The following MAB21L1 variants were observed in gnomAD, a reference collection of about 807,000 sequenced individuals.
MAB21L1 encodes the protein putative nucleotidyltransferase MAB21L1.
A neutral mutation model predicts 28.9 loss-of-function variants in MAB21L1; 8 were observed. That is an observed-to-expected ratio of 0.28 (90% CI 0.16 to 0.50). The LOEUF (loss-of-function observed/expected upper bound fraction) is 0.50. Among genes scored for constraint, MAB21L1 ranks in the 20% least tolerant of loss-of-function variants. The pLI, the probability that MAB21L1 is intolerant of heterozygous loss-of-function variation, is 0.98. For missense variants in MAB21L1, 388 were observed against 466.5 expected (o/e 0.83, Z 1.55); for synonymous variants, 219 against 198.2 (o/e 1.10, Z -0.88).
rs546608103 is a variant in MAB21L1, at chr13:35,475,782, G to A, written c.357C>T (p.Ala119=). 1.1e-5 allele frequency: 17 copies of A among 1,613,924 alleles called. No homozygotes were observed. In the South Asian group the frequency reaches 1.9e-4, roughly 18 times the overall value. The change falls in exon 1 of 1, where the codon GCC becomes GCT. Residue 119 remains alanine (A), a synonymous_variant. Transcript: ENST00000379919. ...TTTTGCGCGCCGAGAGGTAGCCGGA[G>A]GCGGTAATGAATTCCACCCAGAGGG... ...SMSLWVEFIT[A]SGYLSARKIR...
In MAB21L1 at chr13:35,474,967, T is replaced by C; in HGVS notation, c.*92A>G. On this transcript the variant is annotated 3_prime_UTR_variant, in exon 1 of 1. Transcript: ENST00000379919. Reference sequence around the variant, plus strand: ...TTTTAAAGGAAGAGATTGTTTGCACTGCGGAGTGGAATATTAGGAATTGAA... The same window carrying C: ...TTTTAAAGGAAGAGATTGTTTGCACCGCGGAGTGGAATATTAGGAATTGAA... 1 of 1,342,576 alleles carries C rather than the reference T, an allele frequency of 7.4e-7. No homozygotes were observed. The highest frequency in any genetic ancestry group is 1.0e-6 in the Non-Finnish European group (1 of 972,470). The allele number at this position is 1,342,576 out of a possible 1,614,324, so 83.2% of individuals were successfully genotyped here. A position where few individuals can be genotyped will look rare whatever the true frequency, so the allele number is the denominator to read the frequency against.
rs1436547617 is a variant in MAB21L1, at chr13:35,475,568, G to A, written c.571C>T (p.His191Tyr). The A allele has an allele frequency of 6.2e-7, 1 of 1,613,436 alleles. No homozygotes were observed. Among genetic ancestry groups the A allele is most frequent in the Admixed American group, 1.7e-5 (1 of 59,974 alleles). ...PRSAAHWPLP[H>Y]IPWPGPNRVA... ...CGGTTGGGTCCCGGCCAGGGGATGT[G>A]GGGAAGTGGCCAGTGGGCAGCACTC... Residue 191 changes from histidine (H) to tyrosine (Y), a missense_variant, in exon 1 of 1, where the codon CAC becomes TAC. His to Tyr is a moderately conservative substitution (Grantham distance 83). Coordinates refer to ENST00000379919, the MANE Select transcript of MAB21L1 (RefSeq NM_005584.5).
Position 35,474,912 on chromosome 13 carries a change from A to G in MAB21L1, c.*147T>C. The G allele has an allele frequency of 9.9e-7, 1 of 1,008,094 alleles. No individual in the cohort carries two copies. 62.4% of individuals were successfully genotyped at this position (1,008,094 alleles called of 1,614,324 possible). A position where few individuals can be genotyped will look rare whatever the true frequency, so the allele number is the denominator to read the frequency against. On this transcript the variant is annotated 3_prime_UTR_variant, in exon 1 of 1. Coordinates refer to ENST00000379919, the MANE Select transcript of MAB21L1 (RefSeq NM_005584.5). ...TTCTCCCCTTGTGGGGGTGGGTGAG[A>G]TGATGTTTAAATATTGTATTATTAT...
chr13:35,475,887 C>A lies in MAB21L1; in HGVS notation c.252G>T (p.Gly84=). 1.2e-6 allele frequency: 2 copies of A among 1,614,080 alleles called. No individual in the cohort carries two copies. Among genetic ancestry groups the A allele is most frequent in the Non-Finnish European group, 1.7e-6 (2 of 1,180,024 alleles). The part of the protein sequence containing the change: ...FEVVLYLNQM[G]VFNFVDDGSL... Reference sequence around the variant, plus strand: ...AGCCATCGTCCACGAAGTTGAACACCCCCATTTGGTTGAGATAAAGCACCA... The same window carrying A: ...AGCCATCGTCCACGAAGTTGAACACACCCATTTGGTTGAGATAAAGCACCA... Residue 84 remains glycine (G), a synonymous_variant, in exon 1 of 1, where the codon GGG becomes GGT. Transcript: ENST00000379919.
Position 35,476,236 on chromosome 13 carries a change from G to C in MAB21L1, c.-98C>G, listed in dbSNP as rs1302589817. 1 of 1,573,026 alleles carries C rather than the reference G, an allele frequency of 6.4e-7. No homozygotes were observed. Among genetic ancestry groups the C allele is most frequent in the Non-Finnish European group, 8.7e-7 (1 of 1,144,690 alleles). ...TGGAGCCAACTTCGGTGGAGAAACG[G>C]GCCGCAACACTCAGAAATGGATCAA... On this transcript the variant is annotated 5_prime_UTR_variant, in exon 1 of 1. Transcript: ENST00000379919.
At position 35,475,101 on chromosome 13, in the gene MAB21L1, T is replaced by C; in HGVS notation, c.1038A>G (p.Ala346=). ...ENAAKQTWRL[A]REILTNPKSL... ...TTTTCGGGTTGGTCAGGATCTCTCT[T>C]GCCAGTCGCCACGTTTGTTTGGCAG... is the stretch of plus-strand genomic sequence containing the variant. Residue 346 remains alanine (A), a synonymous_variant, in exon 1 of 1, where the codon GCA becomes GCG. Transcript: ENST00000379919. 4 of 1,614,162 alleles carry C rather than the reference T, an allele frequency of 2.5e-6. No individual in the cohort carries two copies. The highest frequency in any genetic ancestry group is 3.4e-6 in the Non-Finnish European group (4 of 1,180,016).
chr13:35,476,386 G>T lies in MAB21L1; in HGVS notation c.-248C>A, dbSNP rs2075874419. 4 of 1,135,032 alleles carry T rather than the reference G, an allele frequency of 3.5e-6. No homozygotes were observed. The highest frequency in any genetic ancestry group is 5.2e-6 in the Non-Finnish European group (4 of 769,752). The allele number at this position is 1,135,032 out of a possible 1,614,324, so 70.3% of individuals were successfully genotyped here. A position where few individuals can be genotyped will look rare whatever the true frequency, so the allele number is the denominator to read the frequency against. On this transcript the variant is annotated 5_prime_UTR_variant, in exon 1 of 1. Coordinates refer to ENST00000379919, the MANE Select transcript of MAB21L1 (RefSeq NM_005584.5). ...CTTCCTTTTATCTTTGAGCCCAGCC[G>T]TTCTTAAAGTGAAAGACTGTCCTCC...
chr13:35,475,887 C>G lies in MAB21L1; in HGVS notation c.252G>C (p.Gly84=). 1.2e-6 allele frequency: 2 copies of G among 1,614,080 alleles called. No homozygotes were observed. The highest frequency in any genetic ancestry group is 8.5e-7 in the Non-Finnish European group (1 of 1,180,024). Residue 84 remains glycine, a synonymous_variant, in exon 1 of 1, where the codon GGG becomes GGC. Transcript: ENST00000379919. ...FEVVLYLNQM[G]VFNFVDDGSL... is the part of the protein sequence containing the mutation. ...AGCCATCGTCCACGAAGTTGAACACCCCCATTTGGTTGAGATAAAGCACCA... is the reference window on the plus strand; with the variant it reads ...AGCCATCGTCCACGAAGTTGAACACGCCCATTTGGTTGAGATAAAGCACCA...
rs140025297 is a variant in MAB21L1 at position 35,475,497 on chromosome 13, C to T, written c.642G>A (p.Glu214=). The T allele has an allele frequency of 4.6e-5, 74 of 1,612,374 alleles. No homozygotes were observed. The highest frequency in any genetic ancestry group is 6.0e-5 in the Non-Finnish European group (71 of 1,179,940). Residue 214 remains glutamate, a synonymous_variant, in exon 1 of 1, where the codon GAG becomes GAA. Coordinates refer to ENST00000379919, the MANE Select transcript of MAB21L1 (RefSeq NM_005584.5). The stretch of plus-strand genomic sequence containing the variant: ...TCTGCTTGCCGGCCAAGGAGTGGCA[C>T]TCCTTGGACAAGAGATTGAAACCTT... ...KAEGFNLLSK[E]CHSLAGKQSS... is the part of the protein sequence containing the mutation.
rs1233314305 is a variant in MAB21L1, at chr13:35,475,010, T to TA, written c.*48dup. The TA allele has an allele frequency of 6.4e-7, 1 of 1,569,234 alleles. No individual in the cohort carries two copies. The highest frequency in any genetic ancestry group is 1.8e-5 in the Admixed American group (1 of 55,810). On this transcript the variant is annotated 3_prime_UTR_variant, in exon 1 of 1. Coordinates refer to ENST00000379919, the MANE Select transcript of MAB21L1 (RefSeq NM_005584.5). The stretch of plus-strand genomic sequence containing the variant: ...GAATTGAACAGAAGTTTACACTTAA[T>TA]AAGGACTTTGAGAAGGGTAATAATT...
In MAB21L1 at chr13:35,475,827, G is replaced by A. The variant is rs142862986; in HGVS notation, c.312C>T (p.Asp104=). 3.7e-6 allele frequency: 6 copies of A among 1,613,876 alleles called. No individual in the cohort carries two copies. The African/African-American group carries it at 4.0e-5, about 11-fold the overall frequency. Residue 104 remains aspartate, a synonymous_variant, in exon 1 of 1, where the codon GAC becomes GAT. Coordinates refer to ENST00000379919, the MANE Select transcript of MAB21L1 (RefSeq NM_005584.5). ...LPGCAVLKLS[D]GRKRSMSLWV... ...AGAGGGACATGCTCCTCTTGCGCCC[G>A]TCGCTCAACTTCAGCACCGCGCAGC...
In MAB21L1 at chr13:35,475,243, C is replaced by G; in HGVS notation, c.896G>C (p.Arg299Pro). Residue 299 changes from arginine (R) to proline (P), a missense_variant, in exon 1 of 1, where the codon CGG becomes CCG. Physicochemically the swap from Arg to Pro is moderately radical, Grantham distance 103. This residue lies in a region of MAB21L1 where 218 missense variants were observed against 220.6 expected (regional missense o/e 0.99). Transcript: ENST00000379919. The stretch of plus-strand genomic sequence containing the variant: ...AAGTTGCAGCAAAATCCCGTTCAGC[C>G]GATCACCCAGGCAAGACTCGTCCCA... ...SDWDESCLGD[R>P]LNGILLQLIS... The G allele has an allele frequency of 6.2e-7, 1 of 1,613,852 alleles. No individual in the cohort carries two copies. The highest frequency in any genetic ancestry group is 1.1e-5 in the South Asian group (1 of 91,032).
Position 35,476,506 on chromosome 13 carries a change from C to T in MAB21L1, c.-368G>A. The T allele has an allele frequency of 4.5e-6, 3 of 665,976 alleles. No individual in the cohort carries two copies. Among genetic ancestry groups the T allele is most frequent in the Non-Finnish European group, 7.9e-6 (3 of 380,908 alleles). 41.3% of individuals were successfully genotyped at this position (665,976 alleles called of 1,614,324 possible). On this transcript the variant is annotated 5_prime_UTR_variant, in exon 1 of 1. Coordinates refer to ENST00000379919, the MANE Select transcript of MAB21L1 (RefSeq NM_005584.5). ...TCTCAGGAATAAAAAACAAAAGTTGCGCTGAGACCCAGCAAAGCTCTTCCA... is the reference window on the plus strand; with the variant it reads ...TCTCAGGAATAAAAAACAAAAGTTGTGCTGAGACCCAGCAAAGCTCTTCCA...
rs749619615 is a variant in MAB21L1, at chr13:35,475,610, T to A, written c.529A>T (p.Thr177Ser). The change falls in exon 1 of 1, where the codon ACC becomes TCC. Residue 177 changes from threonine to serine, a missense_variant. Physicochemically the swap from Thr to Ser is moderately conservative, Grantham distance 58. This residue lies in a region of MAB21L1 where 81 missense variants were observed against 153.7 expected (regional missense o/e 0.53). Transcript: ENST00000379919. ...GCAGCACTCCTCGGCCAGATCCCGG[T>A]GCATTTAAAGGCCGGCGTGATCTGC... ...VVQITPAFKC[T>S]GIWPRSAAHW... The A allele has an allele frequency of 6.2e-7, 1 of 1,613,474 alleles. No homozygotes were observed. Among genetic ancestry groups the A allele is most frequent in the South Asian group, 1.1e-5 (1 of 91,020 alleles).
chr13:35,475,241 G>T lies in MAB21L1; in HGVS notation c.898C>A (p.Leu300Met), dbSNP rs867514901. ...ATAAGTTGCAGCAAAATCCCGTTCA[G>T]CCGATCACCCAGGCAAGACTCGTCC... ...DWDESCLGDR[L>M]NGILLQLISC... Residue 300 changes from leucine to methionine, a missense_variant, in exon 1 of 1, where the codon CTG (leucine) becomes ATG (methionine). Around this residue, in one of 3 missense-constraint regions of MAB21L1, gnomAD observed 218 missense variants for 220.6 expected, o/e 0.99. Transcript: ENST00000379919. 1 of 1,613,988 alleles carries T rather than the reference G, an allele frequency of 6.2e-7. No individual in the cohort carries two copies. The highest frequency in any genetic ancestry group is 2.2e-5 in the East Asian group (1 of 44,846).
Position 35,476,443 on chromosome 13 carries a change from G to GA in MAB21L1, c.-306dup. Reference sequence around the variant, plus strand: ...TGCTTGTCTCTCTTCCTCTTTTAAAGAATCCTTGTGTGAGAGAACCGCATG... The same window carrying GA: ...TGCTTGTCTCTCTTCCTCTTTTAAAGAAATCCTTGTGTGAGAGAACCGCATG... On this transcript the variant is annotated 5_prime_UTR_variant, in exon 1 of 1. It removes the in-frame stop codon of an upstream open reading frame in the 5' UTR. Coordinates refer to ENST00000379919, the MANE Select transcript of MAB21L1 (RefSeq NM_005584.5). 1.1e-6 allele frequency: 1 copy of GA among 915,070 alleles called. No individual in the cohort carries two copies. The highest frequency in any genetic ancestry group is 1.4e-5 in the South Asian group (1 of 70,090). 56.7% of individuals were successfully genotyped at this position (915,070 alleles called of 1,614,324 possible). A position where few individuals can be genotyped will look rare whatever the true frequency, so the allele number is the denominator to read the frequency against.
chr13:35,475,934 T>C lies in MAB21L1; in HGVS notation c.205A>G (p.Ile69Val). Residue 69 changes from isoleucine to valine, a missense_variant, in exon 1 of 1, where the codon ATC becomes GTC. Transcript: ENST00000379919. ...ACCACTTCAAATTCGGTGGGGGAGATGACCTCGAGGCCCTCGTAGCGATTG... is the reference window on the plus strand; with the variant it reads ...ACCACTTCAAATTCGGTGGGGGAGACGACCTCGAGGCCCTCGTAGCGATTG... Reference protein sequence around the residue: ...MDNRYEGLEVISPTEFEVVLY... With the variant: ...MDNRYEGLEVVSPTEFEVVLY... 6.2e-7 allele frequency: 1 copy of C among 1,614,124 alleles called. No individual in the cohort carries two copies. Among genetic ancestry groups the C allele is most frequent in the Non-Finnish European group, 8.5e-7 (1 of 1,180,018 alleles).
rs1256781683 is a variant in MAB21L1, at chr13:35,474,916, T to TGTTTAAATA, written c.*134_*142dup. On this transcript the variant is annotated 3_prime_UTR_variant, in exon 1 of 1. Coordinates refer to ENST00000379919, the MANE Select transcript of MAB21L1 (RefSeq NM_005584.5). ...CCCCTTGTGGGGGTGGGTGAGATGATGTTTAAATATTGTATTATTATTCCT... is the reference window on the plus strand; with the variant it reads ...CCCCTTGTGGGGGTGGGTGAGATGATGTTTAAATAGTTTAAATATTGTATTATTATTCCT... 3.8e-6 allele frequency: 4 copies of TGTTTAAATA among 1,041,026 alleles called. No homozygotes were observed. Among genetic ancestry groups the TGTTTAAATA allele is most frequent in the Non-Finnish European group, 5.6e-6 (4 of 719,016 alleles). 64.5% of individuals were successfully genotyped at this position (1,041,026 alleles called of 1,614,324 possible). A position where few individuals can be genotyped will look rare whatever the true frequency, so the allele number is the denominator to read the frequency against.
chr13:35,475,092 G>T lies in MAB21L1; in HGVS notation c.1047C>A (p.Ile349=), dbSNP rs775644700. ...AKQTWRLARE[I]LTNPKSLEKL is the part of the protein sequence containing the mutation. ...TTTCCAAACTTTTCGGGTTGGTCAG[G>T]ATCTCTCTTGCCAGTCGCCACGTTT... Residue 349 remains isoleucine (I), a synonymous_variant, in exon 1 of 1, where the codon ATC becomes ATA. Transcript: ENST00000379919. 2.5e-6 allele frequency: 4 copies of T among 1,613,930 alleles called. No individual in the cohort carries two copies. The highest frequency in any genetic ancestry group is 2.7e-5 in the African/African-American group (2 of 74,896).
Sources: gnomAD v4.1 joint callset for allele counts on GRCh38, gnomAD v4.1.1 for gene constraint, gnomAD v4.1.1 regional missense constraint, MANE v1.5 for transcripts, NCBI Gene and HGNC (gene_info 2026-07-23, HGNC 2026-07-21) for gene names.